MDGA2: variants seen among roughly 807,000 people sequenced by gnomAD.
The protein encoded by MDGA2 is MAM domain-containing glycosylphosphatidylinositol anchor protein 2.
In MDGA2, 40 loss-of-function variants were observed where a neutral mutation model predicts 117.8. The ratio of observed to expected loss-of-function variants is 0.34; its 90% CI spans 0.26 to 0.44. The LOEUF (loss-of-function observed/expected upper bound fraction) is 0.44. MDGA2 is among the 20% of genes least tolerant of loss of function. MDGA2 has a pLI of 1.00. For synonymous variants in MDGA2, 452 were observed against 439.0 expected (o/e 1.03, Z -0.37); for missense variants, 1,123 against 1,250.6 (o/e 0.90, Z 1.54).
intron 9 of MDGA2, among the ~76,000 whole-genome samples, chr14:46,932,199 T>C (rs1305944797): frequency 3.9e-5 from 6 of 151,996 alleles, no homozygotes; most frequent in Non-Finnish European, 8.8e-5. Context: ...AACGATAGCA[T>C]AAAGAACGAT....
chr14:47,301,288 CACCCACCCACACACACA>C, intron 2 of MDGA2, 106 bp downstream of exon 2: 1 of 946,998 alleles, frequency 1.1e-6, no homozygotes, highest in Non-Finnish European at 1.5e-6. Context: ...CACACACCCA[CACCCACCCACACACACA>C]CACACACACA....
chr14:47,010,015 C>T (rs759156194), intron 8 of MDGA2, among the ~76,000 whole-genome samples: 1 of 151,962 alleles, frequency 6.6e-6, no homozygotes, highest in Non-Finnish European at 1.5e-5. Flanking sequence ...TCAATTTAGA[C>T]AACACCTTAC....
At chr14:47,239,635 C>T (rs1015608259) in intron 2 of MDGA2, among the ~76,000 whole-genome samples, 2 of 151,670 alleles carry the variant, frequency 1.3e-5, no homozygotes, top group African/African-American at 4.8e-5. Context: ...TTTATTATTA[C>T]CTTTGGCTAT....
At chr14:47,485,536 A>G (rs1276971499) in intron 1 of MDGA2, among the ~76,000 whole-genome samples, 2 of 152,186 alleles carry the variant, frequency 1.3e-5, no homozygotes, top group Non-Finnish European at 2.9e-5. Flanking sequence ...TTGCATAAGT[A>G]AGGAGGAGCC....
At chr14:47,560,037 T>G (rs1427192922) in intron 1 of MDGA2, among the ~76,000 whole-genome samples, 1 of 152,082 alleles carries the variant, frequency 6.6e-6, no homozygotes, top group African/African-American at 2.4e-5. Context: ...GTGTTCCCTT[T>G]TCTCTGCAAC....
At chr14:47,097,199 G>T (rs1880025602) in intron 5 of MDGA2, 76 bp from the exon 6 acceptor site, 1 of 1,469,462 alleles carries the variant, frequency 6.8e-7, no homozygotes, top group Non-Finnish European at 9.2e-7. Context: ...GCATTATATT[G>T]GTTCATTCAA....
intron 2 of MDGA2, among the ~76,000 whole-genome samples, chr14:47,222,362 C>A (rs1477382235): frequency 6.6e-6 from 1 of 151,934 alleles, no homozygotes; most frequent in East Asian, 1.9e-4. Flanking sequence ...AAAGACATCA[C>A]TTTTTGTAAT....
chr14:47,446,338 C>T (rs992068628), intron 1 of MDGA2, among the ~76,000 whole-genome samples: 3 of 152,102 alleles, frequency 2.0e-5, no homozygotes, highest in African/African-American at 7.2e-5. Flanking sequence ...TGGAAGATTA[C>T]AGAATCAGTC....
chr14:47,531,835 C>G lies in MDGA2; in HGVS notation c.280+142682G>C, dbSNP rs866363589. 4.6e-5 allele frequency among the ~76,000 whole-genome samples: 7 copies of G among 152,120 alleles called. No homozygotes were observed. In the South Asian group the frequency reaches 1.5e-3, roughly 32 times the overall value. On this transcript the variant is annotated intron_variant, in intron 1 of 16. Coordinates refer to ENST00000399232, the MANE Select transcript of MDGA2 (RefSeq NM_001113498.3). ...GGTAAAAACCATATAAATTTGAAAACATGTATTCTATTTGGTTCAGAGAAT... is the reference window on the plus strand; with the variant it reads ...GGTAAAAACCATATAAATTTGAAAAGATGTATTCTATTTGGTTCAGAGAAT...
intron 8 of MDGA2, among the ~76,000 whole-genome samples, chr14:47,003,631 T>A (rs2138500905): frequency 6.6e-6 from 1 of 152,186 alleles, no homozygotes; most frequent in Non-Finnish European, 1.5e-5. Context: ...GTGTCTATAT[T>A]GCTCATTTTT....
At chr14:47,179,978 A>C (rs1884632968) in intron 3 of MDGA2, among the ~76,000 whole-genome samples, 1 of 151,816 alleles carries the variant, frequency 6.6e-6, no homozygotes, top group African/African-American at 2.4e-5. Flanking sequence ...TGTTCTAATA[A>C]ATTTGACTTA....
intron 6 of MDGA2, among the ~76,000 whole-genome samples, chr14:47,085,848 T>C (rs1890876513): frequency 6.6e-6 from 1 of 152,084 alleles, no homozygotes; most frequent in Admixed American, 6.6e-5. Flanking sequence ...AAATTGCCAG[T>C]CATTGCACAA....
At position 46,855,030 on chromosome 14, in the gene MDGA2, T is replaced by C. The variant is rs774466075; in HGVS notation, c.2877A>G (p.Ser959=). 1.9e-6 allele frequency: 3 copies of C among 1,595,306 alleles called. No homozygotes were observed. The Admixed American group carries it at 5.3e-5, about 28-fold the overall frequency. The change falls in exon 15 of 17, where the codon TCA becomes TCG. Residue 959 remains serine, a synonymous_variant. Coordinates refer to ENST00000399232, the MANE Select transcript of MDGA2 (RefSeq NM_001113498.3). This position sits in a 1 kb window ranked among gnomAD's most constrained non-coding sequence, Gnocchi z 4.1. The stretch of plus-strand genomic sequence containing the variant: ...CCAAAACTACTTTTCTTACCTGAAA[T>C]GAAGTAATTGGGTATATATTAACAT... ...EAHVNIYPIT[S]FQLIFEGIRG...
intron 1 of MDGA2, chr14:47,626,377 G>T (rs1897140229): frequency 6.5e-6 from 1 of 152,786 alleles, no homozygotes; most frequent in South Asian, 2.1e-4. Context: ...GCTACACTGT[G>T]AGGTGACAGC....
At chr14:47,535,409 G>T (rs966636223) in intron 1 of MDGA2, among the ~76,000 whole-genome samples, 1 of 152,196 alleles carries the variant, frequency 6.6e-6, no homozygotes, top group Non-Finnish European at 1.5e-5. Context: ...AAATGGAATG[G>T]AAGTAATGTC....
intron 5 of MDGA2, among the ~76,000 whole-genome samples, chr14:47,111,548 T>G (rs190753594): frequency 2.9e-4 from 44 of 152,262 alleles, no homozygotes; most frequent in African/African-American, 9.6e-4. Flanking sequence ...TAAGTCATAA[T>G]TACAAAGCCT....
At chr14:47,311,123 G>C (rs10483575) in intron 1 of MDGA2, among the ~76,000 whole-genome samples, 13,546 of 152,066 alleles carry the variant, frequency 0.089, 733 homozygotes, top group Non-Finnish European at 0.11. Context: ...TTTAATCTCT[G>C]TAGACTGAAA....
intron 3 of MDGA2, among the ~76,000 whole-genome samples, chr14:47,175,265 T>C (rs1262257645): frequency 5.7e-4 from 87 of 151,600 alleles, no homozygotes; most frequent in African/African-American, 1.9e-3. Context: ...TTCCAATCAA[T>C]AGAAAAGGAG....
At chr14:47,274,736 T>A (rs1393063115) in intron 2 of MDGA2, among the ~76,000 whole-genome samples, 1 of 152,148 alleles carries the variant, frequency 6.6e-6, no homozygotes, top group Non-Finnish European at 1.5e-5. Flanking sequence ...GTTATTGACC[T>A]TATTTTTGTT....
Sources: allele counts gnomAD v4.1 joint callset (sites outside exome capture counted in the v4.1 genomes callset), GRCh38; gene constraint gnomAD v4.1.1; non-coding constraint Gnocchi (gnomAD v3.1); transcripts MANE v1.5; gene names NCBI Gene and HGNC (gene_info 2026-07-23, HGNC 2026-07-21).